GRM8: variants seen among roughly 807,000 people sequenced by gnomAD.
GRM8 encodes glutamate metabotropic receptor 8, also known as metabotropic glutamate receptor 8.
Under a neutral mutation model 87.2 loss-of-function variants are expected in GRM8, and 47 were observed. The ratio of observed to expected loss-of-function variants is 0.54; its 90% CI spans 0.43 to 0.69. The LOEUF is 0.69. Ranked by LOEUF, GRM8 falls within the 30% of genes least tolerant of loss-of-function variation. The pLI is 0.00. For synonymous variants in GRM8, 396 were observed against 404.5 expected, an observed-to-expected ratio of 0.98 and a Z score of 0.25; for missense variants, 1,019 against 1,139.2, an observed-to-expected ratio of 0.89 and a Z score of 1.52.
intron 9 of GRM8, among the ~76,000 whole-genome samples, chr7:126,472,049 C>G (rs1345595948): frequency 6.6e-6 from 1 of 152,220 alleles, no homozygotes; most frequent in South Asian, 2.1e-4. Flanking sequence ...TATCCTGAGA[C>G]TTTGCTGAAG....
chr7:127,135,281 G>C (rs1313668569), intron 2 of GRM8, among the ~76,000 whole-genome samples: 1 of 151,982 alleles, frequency 6.6e-6, no homozygotes, highest in African/African-American at 2.4e-5. Flanking sequence ...AAATAAATCT[G>C]AGCTTTGTGT....
chr7:127,019,932 TC>T (rs146590875), intron 3 of GRM8, among the ~76,000 whole-genome samples: 1,683 of 152,182 alleles, frequency 0.011, 27 homozygotes, highest in African/African-American at 0.037. Context: ...ATCTCCTTTC[TC>T]TTTTGCCCTT....
intron 2 of GRM8, chr7:127,118,150 G>C (rs916086966): frequency 6.6e-6 from 1 of 152,178 alleles, no homozygotes; most frequent in African/African-American, 2.4e-5. Flanking sequence ...TGTTACCTAA[G>C]TTAGTAAACT....
intron 6 of GRM8, among the ~76,000 whole-genome samples, chr7:126,795,924 A>G (rs906803315): frequency 2.0e-5 from 3 of 152,212 alleles, no homozygotes; most frequent in Non-Finnish European, 4.4e-5. Context: ...TAAAACATCA[A>G]CATAGTCTAC....
intron 6 of GRM8, among the ~76,000 whole-genome samples, chr7:126,889,764 G>A (rs1267633353): frequency 6.6e-6 from 1 of 152,006 alleles, no homozygotes; most frequent in African/African-American, 2.4e-5. Flanking sequence ...TGTGTGTATT[G>A]CAAATATTGA....
At chr7:126,902,831 G>T (rs181538147) in intron 5 of GRM8, 152 bp from the exon 6 acceptor site, 195 of 540,208 alleles carry the variant, frequency 3.6e-4, no homozygotes, top group African/African-American at 3.4e-3. Flanking sequence ...CATAAATAAG[G>T]CCTCTCTTAT....
At chr7:126,926,972 A>T (rs1400145600) in intron 3 of GRM8, among the ~76,000 whole-genome samples, 1 of 152,078 alleles carries the variant, frequency 6.6e-6, no homozygotes, top group Non-Finnish European at 1.5e-5. Context: ...TGTACTTTTA[A>T]CTCTGTATCT....
At chr7:126,675,947 A>C (rs1180355362) in intron 7 of GRM8, among the ~76,000 whole-genome samples, 8 of 152,228 alleles carry the variant, frequency 5.3e-5, no homozygotes, top group Admixed American at 5.2e-4. Context: ...AGGAACTCAA[A>C]CTATTTCTGT....
intron 6 of GRM8, among the ~76,000 whole-genome samples, chr7:126,848,441 T>C (rs538794272): frequency 3.5e-4 from 54 of 152,304 alleles, no homozygotes; most frequent in Non-Finnish European, 7.1e-4. Context: ...CTTGAAATAA[T>C]ATTTCAGATA....
chr7:126,636,780 T>TA (rs1288172332), intron 7 of GRM8, among the ~76,000 whole-genome samples: 1 of 152,084 alleles, frequency 6.6e-6, no homozygotes, highest in Non-Finnish European at 1.5e-5. Flanking sequence ...GGAATTTTTA[T>TA]AAAAATAACA....
intron 3 of GRM8, among the ~76,000 whole-genome samples, chr7:127,095,006 T>C (rs923144626): frequency 2.6e-5 from 4 of 152,194 alleles, no homozygotes; most frequent in Admixed American, 2.0e-4. Context: ...TTCTGCTCAA[T>C]GGCTTCATGC....
intron 2 of GRM8, among the ~76,000 whole-genome samples, chr7:127,228,187 T>C (rs1254820958): frequency 6.6e-6 from 1 of 152,208 alleles, no homozygotes; most frequent in Non-Finnish European, 1.5e-5. Flanking sequence ...TAGGTTTGAA[T>C]ATCACATGCC....
chr7:126,593,278 T>C (rs951965541), intron 8 of GRM8, among the ~76,000 whole-genome samples: 79 of 151,960 alleles, frequency 5.2e-4, no homozygotes, highest in Admixed American at 1.3e-4. Flanking sequence ...TGTATGAAAC[T>C]ACAACAGACT....
At chr7:126,527,129 C>A (rs975208188) in intron 9 of GRM8, among the ~76,000 whole-genome samples, 1 of 152,134 alleles carries the variant, frequency 6.6e-6, no homozygotes, top group African/African-American at 2.4e-5. Flanking sequence ...GAGGCCGAGG[C>A]GGGTGGATCA....
At chr7:126,999,073 G>T (rs979062435) in intron 3 of GRM8, among the ~76,000 whole-genome samples, 9 of 151,748 alleles carry the variant, frequency 5.9e-5, no homozygotes, top group African/African-American at 2.2e-4. Flanking sequence ...TAGACCAATG[G>T]AACAGAATAG....
At chr7:126,718,161 C>T (rs1811966133) in intron 7 of GRM8, among the ~76,000 whole-genome samples, 1 of 151,968 alleles carries the variant, frequency 6.6e-6, no homozygotes, top group African/African-American at 2.4e-5. Flanking sequence ...GGCGTGAATC[C>T]AGGAGTGGGA....
chr7:127,033,449 A>G lies in GRM8; in HGVS notation c.727+73047T>C, dbSNP rs542244820. ...AATTGTAAGTAGTAGAAATATCTAA[A>G]CATTTATTGAGCACCTATGTACCAT... On this transcript the variant is annotated intron_variant, in intron 3 of 10. Transcript: ENST00000339582. Among the ~76,000 whole-genome samples, 110 of 152,268 alleles carry G rather than the reference A, an allele frequency of 7.2e-4. 1 individual carries two copies. Among genetic ancestry groups the G allele is most frequent in the Admixed American group, 5.7e-3 (87 of 15,288 alleles).
chr7:126,911,921 G>A (rs1253200007), intron 3 of GRM8, among the ~76,000 whole-genome samples: 5 of 152,120 alleles, frequency 3.3e-5, no homozygotes, highest in Non-Finnish European at 7.4e-5. Flanking sequence ...TTGGCTGGGC[G>A]GGGTGGCTCA....
intron 1 of GRM8, among the ~76,000 whole-genome samples, chr7:127,251,527 C>G (rs945927484): frequency 6.6e-6 from 1 of 152,106 alleles, no homozygotes; most frequent in Admixed American, 6.5e-5. Context: ...TTTCCCAGCG[C>G]AGGTTCCTTT....
Sources: gnomAD v4.1 joint callset for allele counts (sites outside exome capture counted in the v4.1 genomes callset) on GRCh38, gnomAD v4.1.1 for gene constraint, MANE v1.5 for transcripts, NCBI Gene and HGNC (gene_info 2026-07-23, HGNC 2026-07-21) for gene names.